CHTF18: variants seen among roughly 807,000 people sequenced by gnomAD.
The protein encoded by CHTF18 is chromosome transmission fidelity factor 18.
Under a neutral mutation model 113.4 loss-of-function variants are expected in CHTF18, and 151 were observed. That is an observed-to-expected ratio of 1.33 (90% CI 1.17 to 1.52). CHTF18 has a LOEUF of 1.52. Among genes scored for constraint, CHTF18 ranks in the 40% most tolerant of loss-of-function variants. The pLI, the probability that CHTF18 is intolerant of heterozygous loss-of-function variation, is 0.00. For missense variants in CHTF18, 1,982 were observed against 1,381.6 expected (o/e 1.43, Z -6.89); for synonymous variants, 916 against 598.8 (o/e 1.53, Z -7.74).
rs768976698 is a variant in CHTF18 at position 789,687 on chromosome 16, G to A, written c.578G>A (p.Arg193His). The A allele has an allele frequency of 3.8e-6, 6 of 1,598,570 alleles. No homozygotes were observed. The highest frequency in any genetic ancestry group is 2.2e-5 in the East Asian group (1 of 44,862). ...TEGVRAYLVL[R>H]ADPMAPGVQG... Reference sequence around the variant, plus strand: ...GGCGTCCGGGCTTATCTGGTGCTGCGTGCTGACCCCATGGCCCCGGGGGTG... The same window carrying A: ...GGCGTCCGGGCTTATCTGGTGCTGCATGCTGACCCCATGGCCCCGGGGGTG... The change falls in exon 4 of 22, where the codon CGT becomes CAT. Residue 193 changes from arginine to histidine, a missense_variant. Physicochemically the swap from Arg to His is conservative, Grantham distance 29. Transcript: ENST00000262315.
intron 9 of CHTF18, 40 bp from the exon 10 acceptor site, chr16:792,184 A>C (rs745665931): frequency 6.5e-7 from 1 of 1,546,420 alleles, no homozygotes; most frequent in South Asian, 1.2e-5. Flanking sequence ...CCTGCCAGGG[A>C]CGCCCACTGC....
intron 18 of CHTF18, 108 bp from the exon 19 acceptor site, chr16:796,609 C>G (rs2042355078): frequency 1.5e-6 from 2 of 1,329,160 alleles, no homozygotes; most frequent in Non-Finnish European, 2.0e-6. Context: ...CCCCACATTC[C>G]TGCTCTGGCC....
rs1243265750 is a variant in CHTF18, at chr16:789,871, A to T, written c.606+156A>T. 96 of 1,335,158 alleles carry T rather than the reference A, an allele frequency of 7.2e-5. 1 individual carries two copies. The highest frequency in any genetic ancestry group is 7.1e-6 in the Non-Finnish European group (7 of 979,432). 82.7% of individuals were successfully genotyped at this position (1,335,158 alleles called of 1,614,324 possible). A position where few individuals can be genotyped will look rare whatever the true frequency, so the allele number is the denominator to read the frequency against. On this transcript the variant is annotated intron_variant, in intron 4 of 21. Transcript: ENST00000262315. ...GCTGCGTCATGGGGCGTAGACTTAG[A>T]GGACACAGCCTCCCCACAGCAGGTT...
intron 15 of CHTF18, 59 bp from the exon 16 acceptor site, chr16:795,073 C>T (rs1024826291): frequency 1.0e-5 from 14 of 1,365,470 alleles, no homozygotes; most frequent in Admixed American, 2.0e-5. Flanking sequence ...GTGGAGGGTC[C>T]GTGGTGGTGC....
intron 15 of CHTF18, chr16:794,870 C>T (rs1179873570): frequency 8.5e-6 from 4 of 471,496 alleles, no homozygotes; most frequent in East Asian, 4.2e-5. Context: ...GTGTCAGTCT[C>T]TGTCAAGTCA....
Position 790,357 on chromosome 16 carries a change from G to A in CHTF18, c.710G>A (p.Arg237Gln), listed in dbSNP as rs1325546455. The change falls in exon 6 of 22, where the codon CGG (arginine) becomes CAG (glutamine). Residue 237 changes from arginine (R) to glutamine (Q), a missense_variant. Arg to Gln is a conservative substitution (Grantham distance 43). Transcript: ENST00000262315. ...KKQVDGERRE[R>Q]LLQEAQKLSD... ...CTGTTGTTTGCACAGCGGCGGGAGC[G>A]GCTGCTTCAGGAGGCCCAGAAGCTT... is the stretch of plus-strand genomic sequence containing the variant. The A allele has an allele frequency of 5.0e-6, 8 of 1,611,172 alleles. No homozygotes were observed. Among genetic ancestry groups the A allele is most frequent in the Admixed American group, 3.3e-5 (2 of 59,882 alleles).
In CHTF18 at chr16:795,853, G is replaced by C. The variant is rs1288802798; in HGVS notation, c.2325+19G>C. 1 of 1,607,558 alleles carries C rather than the reference G, an allele frequency of 6.2e-7. No homozygotes were observed. The highest frequency in any genetic ancestry group is 8.5e-7 in the Non-Finnish European group (1 of 1,177,512). On this transcript the variant is annotated intron_variant, in intron 17 of 21. Coordinates refer to ENST00000262315, the MANE Select transcript of CHTF18 (RefSeq NM_022092.3). ...CCGCCCCGTGAGTGCCGTCCCCGGGGTGGGGGATTCCCCGCCTGCTGCCCT... is the reference window on the plus strand; with the variant it reads ...CCGCCCCGTGAGTGCCGTCCCCGGGCTGGGGGATTCCCCGCCTGCTGCCCT...
intron 8 of CHTF18, 195 bp from the exon 9 acceptor site, chr16:791,656 C>T (rs936818267): frequency 5.6e-6 from 8 of 1,427,748 alleles, no homozygotes; most frequent in South Asian, 3.0e-5. Context: ...TCTGCACGAA[C>T]TTTGCTTTGT....
At chr16:793,971 G>A in intron 14 of CHTF18, 83 bp from the exon 15 acceptor site, 1 of 1,477,958 alleles carries the variant, frequency 6.8e-7, no homozygotes, top group Non-Finnish European at 9.2e-7. Context: ...GCTCTGATGG[G>A]GCCTCTGAGT....
chr16:796,658 C>A, intron 18 of CHTF18, 59 bp from the exon 19 acceptor site: 2 of 1,502,424 alleles, frequency 1.3e-6, no homozygotes, highest in Non-Finnish European at 1.8e-6. Context: ...TGCCCGGCGG[C>A]TCTCTGGCCC....
At chr16:790,038 C>T in intron 4 of CHTF18, 139 bp from the exon 5 acceptor site, 1 of 1,535,936 alleles carries the variant, frequency 6.5e-7, no homozygotes, top group Non-Finnish European at 8.7e-7. Context: ...ATTCCTTTGG[C>T]ACCCCTGTCC....
In CHTF18 at chr16:795,504, A is replaced by AGTG; in HGVS notation, c.2175+148_2175+149insGTG. 1.6e-5 allele frequency: 2 copies of AGTG among 123,640 alleles called. 1 individual carries two copies. The highest frequency in any genetic ancestry group is 3.3e-4 in the African/African-American group (2 of 6,032). 7.7% of individuals were successfully genotyped at this position (123,640 alleles called of 1,614,324 possible). ...GCCCCGTGCCCGCCCCCCCAAACAC[A>AGTG]CTGCCCGTGTGGCTGCCCCCGGCCC... On this transcript the variant is annotated intron_variant, in intron 16 of 21. Transcript: ENST00000262315.
At chr16:796,536 T>G (rs1027753243) in intron 18 of CHTF18, 181 bp from the exon 19 acceptor site, 1 of 675,072 alleles carries the variant, frequency 1.5e-6, no homozygotes. Context: ...TTGGGGAAAC[T>G]GAGGCTCGGG....
intron 12 of CHTF18, 72 bp from the exon 13 acceptor site, chr16:792,894 C>T: frequency 6.5e-7 from 1 of 1,530,854 alleles, no homozygotes; most frequent in Non-Finnish European, 8.8e-7. Context: ...CCTGCCCCTC[C>T]CCATGGAACC....
At position 790,547 on chromosome 16, in the gene CHTF18, G is replaced by C; in HGVS notation, c.775G>C (p.Ala259Pro). ...LHSLRSGEEE[A>P]AQPLGAPEEE... ...CAGTCTCAGGTCGGGGGAGGAGGAGGCAGCCCAGCCCTTGGGGGCCCCTGA... is the reference window on the plus strand; with the variant it reads ...CAGTCTCAGGTCGGGGGAGGAGGAGCCAGCCCAGCCCTTGGGGGCCCCTGA... The change falls in exon 7 of 22, where the codon GCA (alanine) becomes CCA (proline). Residue 259 changes from alanine to proline, a missense_variant. Transcript: ENST00000262315. The C allele has an allele frequency of 6.3e-7, 1 of 1,598,196 alleles. No individual in the cohort carries two copies. Among genetic ancestry groups the C allele is most frequent in the Non-Finnish European group, 8.5e-7 (1 of 1,173,460 alleles).
intron 4 of CHTF18, 34 bp downstream of exon 4, chr16:789,749 G>T: frequency 3.9e-6 from 6 of 1,544,210 alleles, no homozygotes; most frequent in Non-Finnish European, 4.3e-6. Context: ...ACGGTGGGTG[G>T]GCCAGTGCTG....
intron 9 of CHTF18, 96 bp from the exon 10 acceptor site, chr16:792,128 T>C: frequency 1.3e-6 from 2 of 1,526,280 alleles, no homozygotes; most frequent in Middle Eastern, 1.7e-4. Context: ...CCGCGTCATG[T>C]GACGGTCTCC....
In CHTF18 at chr16:789,261, G is replaced by A. The variant is rs751292359; in HGVS notation, c.338G>A (p.Arg113Lys). ...RLQVVKRLNFRSEEMEEPPPP... is the reference protein window; with the variant it reads ...RLQVVKRLNFKSEEMEEPPPP... ...CAGGTGGTCAAGAGGCTGAACTTCA[G>A]ATCGGAGGAGATGGAGGAGCCGCCC... is the stretch of plus-strand genomic sequence containing the variant. The change falls in exon 3 of 22, where the codon AGA (arginine) becomes AAA (lysine). Residue 113 changes from arginine (R) to lysine (K), a missense_variant. Arg to Lys is a conservative substitution (Grantham distance 26). Coordinates refer to ENST00000262315, the MANE Select transcript of CHTF18 (RefSeq NM_022092.3). 12 of 1,561,922 alleles carry A rather than the reference G, an allele frequency of 7.7e-6. No homozygotes were observed. The highest frequency in any genetic ancestry group is 1.9e-5 in the Admixed American group (1 of 52,442).
In CHTF18 at chr16:792,785, T is replaced by C; in HGVS notation, c.1546T>C (p.Ser516Pro). ...GCTCCACTTCCCGCCGACTCTGCCC[T>C]CGAGGCTGGTGCAGCGGCTCCAGGA... ...FLLHFPPTLP[S>P]RLVQRLQEVS... The change falls in exon 12 of 22, where the codon TCG becomes CCG. Residue 516 changes from serine to proline, a missense_variant. Physicochemically the swap from Ser to Pro is moderately conservative, Grantham distance 74. Coordinates refer to ENST00000262315, the MANE Select transcript of CHTF18 (RefSeq NM_022092.3). 1 of 1,544,116 alleles carries C rather than the reference T, an allele frequency of 6.5e-7. No individual in the cohort carries two copies.
Sources: allele counts gnomAD v4.1 joint callset, GRCh38; gene constraint gnomAD v4.1.1; transcripts MANE v1.5; gene names NCBI Gene and HGNC (gene_info 2026-07-23, HGNC 2026-07-21).